The following LRRC4C variants were observed in gnomAD, a reference collection of about 807,000 sequenced individuals.
The protein encoded by LRRC4C is leucine-rich repeat-containing protein 4C.
A neutral mutation model predicts 33.6 loss-of-function variants in LRRC4C; 5 were observed. The ratio of observed to expected loss-of-function variants is 0.15; its 90% confidence interval spans 0.08 to 0.31. LRRC4C has a LOEUF of 0.31. Among genes scored for constraint, LRRC4C ranks in the 10% least tolerant of loss-of-function variants. LRRC4C has a pLI of 1.00. For synonymous variants in LRRC4C, 329 were observed against 302.0 expected, an observed-to-expected ratio of 1.09 and a Z score of -0.93; for missense variants, 560 against 796.7, an observed-to-expected ratio of 0.70 and a Z score of 3.58.
intron 3 of LRRC4C, among the ~76,000 whole-genome samples, chr11:40,440,299 CTTT>C (rs66998647): frequency 0.38 from 50,705 of 131,744 alleles, 9,430 homozygotes; most frequent in East Asian, 0.56. Flanking sequence ...TGGTCTCTTT[CTTT>C]TTTTTTTTTT....
chr11:40,998,264 A>C (rs1240928214), intron 1 of LRRC4C, among the ~76,000 whole-genome samples: 1 of 26,062 alleles, frequency 3.8e-5, no homozygotes, highest in Non-Finnish European at 9.2e-5. Flanking sequence ...CAGAACTTAA[A>C]AAAAAAAAAA....
intron 3 of LRRC4C, among the ~76,000 whole-genome samples, chr11:40,546,057 TCTTC>T (rs138499350): frequency 0.42 from 61,136 of 145,806 alleles, 14,473 homozygotes; most frequent in East Asian, 0.69. Flanking sequence ...TTTCTCCAAG[TCTTC>T]CTTCCTTCCT....
Position 40,654,009 on chromosome 11 carries a change from G to A in LRRC4C, c.-406-5731C>T, listed in dbSNP as rs111766680. On this transcript the variant is annotated intron_variant, in intron 2 of 6. Transcript: ENST00000528697. ...CCCAAGACTTGTCAGCTTTCCTGTG[G>A]TATTGATCCTGAGGGTGCACAGAAG... 1.9e-4 allele frequency among the ~76,000 whole-genome samples: 29 copies of A among 152,320 alleles called. 1 individual carries two copies. The highest frequency in any genetic ancestry group is 7.0e-4 in the African/African-American group (29 of 41,578).
chr11:40,435,939 C>T (rs911929155), intron 3 of LRRC4C, among the ~76,000 whole-genome samples: 4 of 152,140 alleles, frequency 2.6e-5, no homozygotes, highest in Admixed American at 6.6e-5. Flanking sequence ...CTCTTCCCTG[C>T]TCTTGTTACC....
At chr11:40,201,037 TTA>T (rs1862706803) in intron 5 of LRRC4C, among the ~76,000 whole-genome samples, 1 of 152,050 alleles carries the variant, frequency 6.6e-6, no homozygotes, top group African/African-American at 2.4e-5. Flanking sequence ...GTGTGTGTGT[TTA>T]TGTGATGCAT....
intron 1 of LRRC4C, among the ~76,000 whole-genome samples, chr11:41,245,320 C>T (rs1236467492): frequency 6.6e-6 from 1 of 152,118 alleles, no homozygotes; most frequent in Non-Finnish European, 1.5e-5. Context: ...GCCTGGATCC[C>T]ATGCTTGTCA....
At position 40,479,660 on chromosome 11, in the gene LRRC4C, C is replaced by G. The variant is rs1362080238; in HGVS notation, c.-269-159939G>C. ...GCCAAGTTCCTATTGCAGACTGTCA[C>G]TCATGAATCTCTTGAGGGTCATGCT... On this transcript the variant is annotated intron_variant, in intron 3 of 6. Coordinates refer to ENST00000528697, the MANE Select transcript of LRRC4C (RefSeq NM_001258419.2). Among the ~76,000 whole-genome samples the G allele has an allele frequency of 3.3e-5, 5 of 152,098 alleles. No individual in the cohort carries two copies. In the South Asian group the frequency reaches 6.2e-4, roughly 19 times the overall value.
intron 3 of LRRC4C, among the ~76,000 whole-genome samples, chr11:40,453,866 TTAGA>T (rs1461854107): frequency 3.3e-5 from 5 of 152,210 alleles, no homozygotes; most frequent in Non-Finnish European, 7.3e-5. Context: ...TGTTCTCAAC[TTAGA>T]TAGCAGTGTT....
intron 3 of LRRC4C, among the ~76,000 whole-genome samples, chr11:40,513,981 G>C (rs1378012396): frequency 1.3e-5 from 2 of 152,188 alleles, no homozygotes; most frequent in Non-Finnish European, 2.9e-5. Flanking sequence ...TTCTCTCAGA[G>C]AATCTTCACT....
chr11:40,890,312 A>T (rs1194369638), intron 2 of LRRC4C, among the ~76,000 whole-genome samples: 1 of 152,162 alleles, frequency 6.6e-6, no homozygotes, highest in African/African-American at 2.4e-5. Context: ...CTTTCTTGCT[A>T]GTGGAAGGTT....
chr11:41,129,333 A>G (rs1031428952), intron 1 of LRRC4C, among the ~76,000 whole-genome samples: 9 of 151,952 alleles, frequency 5.9e-5, no homozygotes, highest in African/African-American at 2.2e-4. Flanking sequence ...TATTGGTGGA[A>G]GTATATGTTA....
Position 40,189,678 on chromosome 11 carries a change from T to C in LRRC4C, c.-95-48825A>G, listed in dbSNP as rs79776253. On this transcript the variant is annotated intron_variant, in intron 5 of 6. Coordinates refer to ENST00000528697, the MANE Select transcript of LRRC4C (RefSeq NM_001258419.2). ...ACATAAAAAGAGATGATGAATGTAG[T>C]ACTTAAGTTTTATTTTACTTAAATA... Among the ~76,000 whole-genome samples, 8 of 152,350 alleles carry C rather than the reference T, an allele frequency of 5.3e-5. No individual in the cohort carries two copies. In the East Asian group the frequency reaches 1.5e-3, roughly 29 times the overall value.
chr11:40,151,455 C>T (rs149304367), intron 5 of LRRC4C, among the ~76,000 whole-genome samples: 4 of 152,024 alleles, frequency 2.6e-5, no homozygotes, highest in African/African-American at 7.2e-5. Context: ...GTCAGATACA[C>T]AAAAAAATTT....
intron 3 of LRRC4C, among the ~76,000 whole-genome samples, chr11:40,410,616 G>A (rs1448393816): frequency 2.0e-5 from 3 of 152,036 alleles, no homozygotes; most frequent in African/African-American, 7.2e-5. Context: ...GCCAGGGGTG[G>A]TTTGCTGGGT....
At chr11:41,361,881 A>AAT (rs1239063002) in intron 1 of LRRC4C, among the ~76,000 whole-genome samples, 1 of 152,186 alleles carries the variant, frequency 6.6e-6, no homozygotes, top group Non-Finnish European at 1.5e-5. Flanking sequence ...GAGAGGAGAT[A>AAT]ATATAATTGT....
intron 1 of LRRC4C, among the ~76,000 whole-genome samples, chr11:41,040,922 G>A (rs986851285): frequency 3.3e-5 from 5 of 152,034 alleles, no homozygotes; most frequent in Admixed American, 2.6e-4. Flanking sequence ...AGTGAGCAAC[G>A]CATGCCTCAG....
intron 1 of LRRC4C, among the ~76,000 whole-genome samples, chr11:41,196,113 C>A (rs1194575516): frequency 6.6e-6 from 1 of 151,970 alleles, no homozygotes; most frequent in Non-Finnish European, 1.5e-5. Context: ...TTATAAATGT[C>A]AATTGGAATA....
intron 3 of LRRC4C, among the ~76,000 whole-genome samples, chr11:40,460,473 A>G (rs1952342954): frequency 6.6e-6 from 1 of 152,180 alleles, no homozygotes; most frequent in Non-Finnish European, 1.5e-5. Flanking sequence ...TACATACAAA[A>G]TATATCTGGA....
chr11:40,295,772 T>C (rs1346682086), intron 4 of LRRC4C, among the ~76,000 whole-genome samples: 1 of 152,162 alleles, frequency 6.6e-6, no homozygotes, highest in Admixed American at 6.5e-5. Flanking sequence ...TACATGAAAA[T>C]GTGAATTTCT....
Sources: gnomAD v4.1 joint callset for allele counts (sites outside exome capture counted in the v4.1 genomes callset) on GRCh38, gnomAD v4.1.1 for gene constraint, MANE v1.5 for transcripts, NCBI Gene and HGNC (gene_info 2026-07-23, HGNC 2026-07-21) for gene names.